The following TBL1XR1 variants were observed in gnomAD, a reference collection of about 807,000 sequenced individuals.
TBL1XR1 encodes the protein TBL1X/Y related 1.
TBL1XR1 carries 5 observed loss-of-function variants against 66.9 expected under a neutral mutation model. The observed-to-expected ratio is 0.07, with a 90% confidence interval of 0.04 to 0.16. The LOEUF (loss-of-function observed/expected upper bound fraction) is 0.16. Among genes scored for constraint, TBL1XR1 ranks in the 10% least tolerant of loss-of-function variants. The pLI, the probability that TBL1XR1 is intolerant of heterozygous loss-of-function variation, is 1.00. For missense variants in TBL1XR1, 238 were observed against 623.2 expected (o/e 0.38, Z 6.58); for synonymous variants, 210 against 206.0 (o/e 1.02, Z -0.17).
intron 1 of TBL1XR1, among the ~76,000 whole-genome samples, chr3:177,192,000 G>C (rs534177665): frequency 6.7e-4 from 102 of 152,040 alleles, no homozygotes; most frequent in African/African-American, 2.4e-3. Context: ...GGCTGAGGTA[G>C]GGGAATCGCT....
At chr3:177,159,151 T>C (rs944206570) in intron 1 of TBL1XR1, among the ~76,000 whole-genome samples, 4 of 151,252 alleles carry the variant, frequency 2.6e-5, no homozygotes, top group Admixed American at 1.3e-4. Context: ...ATTTTCTCAA[T>C]GGGTAAAAAA....
chr3:177,045,879 C>T (rs537673423), intron 10 of TBL1XR1, among the ~76,000 whole-genome samples: 2 of 152,158 alleles, frequency 1.3e-5, no homozygotes, highest in African/African-American at 4.8e-5. Context: ...AATCTATGTT[C>T]TTTCCATTAA....
chr3:177,117,362 A>G (rs1306036998), intron 1 of TBL1XR1, among the ~76,000 whole-genome samples: 1 of 152,220 alleles, frequency 6.6e-6, no homozygotes, highest in Admixed American at 6.5e-5. Flanking sequence ...GGGTAAATTT[A>G]ATAAGGCTTC....
intron 1 of TBL1XR1, among the ~76,000 whole-genome samples, chr3:177,162,791 G>A (rs1560247151): frequency 6.6e-6 from 1 of 152,112 alleles, no homozygotes; most frequent in East Asian, 1.9e-4. Context: ...AAGAAGAAAT[G>A]ACTTAAATAT....
intron 1 of TBL1XR1, among the ~76,000 whole-genome samples, chr3:177,112,292 G>C (rs1725748968): frequency 6.6e-6 from 1 of 150,840 alleles, no homozygotes; most frequent in South Asian, 2.1e-4. Flanking sequence ...ATTTTTAGTA[G>C]AGGTGGGGTT....
At chr3:177,035,004 A>G (rs1453715825) in intron 12 of TBL1XR1, among the ~76,000 whole-genome samples, 1 of 152,098 alleles carries the variant, frequency 6.6e-6, no homozygotes, top group Non-Finnish European at 1.5e-5. Flanking sequence ...TAACACATAC[A>G]CATACAACAT....
chr3:177,172,137 T>TA (rs1733594139), intron 1 of TBL1XR1, among the ~76,000 whole-genome samples: 1 of 151,954 alleles, frequency 6.6e-6, no homozygotes, highest in African/African-American at 2.4e-5. Context: ...GGCACGCACC[T>TA]GTAATCCCAA....
chr3:177,097,154 T>C (rs369979410), intron 2 of TBL1XR1, among the ~76,000 whole-genome samples: 1 of 152,342 alleles, frequency 6.6e-6, no homozygotes, highest in South Asian at 2.1e-4. Context: ...CTTTTAATAG[T>C]TTTTCTTTCA....
intron 1 of TBL1XR1, among the ~76,000 whole-genome samples, chr3:177,119,826 T>C (rs1726766947): frequency 6.6e-6 from 1 of 152,342 alleles, no homozygotes; most frequent in East Asian, 1.9e-4. Context: ...TAGTGCTCTA[T>C]ACCAACCTCA....
intron 1 of TBL1XR1, among the ~76,000 whole-genome samples, chr3:177,167,705 C>T (rs1460685337): frequency 1.3e-5 from 2 of 152,142 alleles, no homozygotes; most frequent in Non-Finnish European, 2.9e-5. Context: ...CCAAGGCAGG[C>T]GGATCACCTA....
chr3:177,110,055 G>C (rs1413056277), intron 1 of TBL1XR1, among the ~76,000 whole-genome samples: 3 of 152,080 alleles, frequency 2.0e-5, no homozygotes, highest in African/African-American at 7.2e-5. Flanking sequence ...ATTTGTGCCT[G>C]ATGCCTCCTA....
At chr3:177,058,511 C>A (rs941620199) in intron 3 of TBL1XR1, among the ~76,000 whole-genome samples, 27 of 152,144 alleles carry the variant, frequency 1.8e-4, no homozygotes, top group Admixed American at 1.0e-3. Context: ...GTAAATTATT[C>A]ACGCCATAGC....
At chr3:177,132,034 A>C (rs974605925) in intron 1 of TBL1XR1, among the ~76,000 whole-genome samples, 3 of 152,230 alleles carry the variant, frequency 2.0e-5, no homozygotes, top group Non-Finnish European at 4.4e-5. Context: ...TCAAAGTACC[A>C]AACATACTGA....
chr3:177,053,766 T>C lies in TBL1XR1; in HGVS notation c.204+7A>G. The stretch of plus-strand genomic sequence containing the variant: ...AAAAATCAGTATTTGAAATAAGTCT[T>C]CCTTACCTCATTAATACTAACTTCT... On this transcript the variant is annotated splice_region_variant and intron_variant, in intron 4 of 15. Coordinates refer to ENST00000457928, the MANE Select transcript of TBL1XR1 (RefSeq NM_024665.7). 5 of 1,610,280 alleles carry C rather than the reference T, an allele frequency of 3.1e-6. No individual in the cohort carries two copies. Among genetic ancestry groups the C allele is most frequent in the Non-Finnish European group, 4.2e-6 (5 of 1,178,500 alleles).
intron 10 of TBL1XR1, among the ~76,000 whole-genome samples, chr3:177,044,166 T>C (rs1350720945): frequency 6.6e-6 from 1 of 152,224 alleles, no homozygotes; most frequent in East Asian, 1.9e-4. Context: ...GCACTTTTCA[T>C]CTCACATGTT....
chr3:177,049,392 G>A (rs1453341285), intron 7 of TBL1XR1, among the ~76,000 whole-genome samples: 3 of 152,278 alleles, frequency 2.0e-5, no homozygotes, highest in East Asian at 1.9e-4. Context: ...TATCAACAAC[G>A]AAGTCAAAGT....
At chr3:177,032,186 T>G (rs1342564792) in intron 14 of TBL1XR1, 1 of 152,166 alleles carries the variant, frequency 6.6e-6, no homozygotes, top group Non-Finnish European at 1.5e-5. Flanking sequence ...CTAATAAAAA[T>G]TGTTACCAGC....
At chr3:177,151,645 G>A (rs1263509062) in intron 1 of TBL1XR1, among the ~76,000 whole-genome samples, 3 of 152,230 alleles carry the variant, frequency 2.0e-5, no homozygotes, top group African/African-American at 4.8e-5. Flanking sequence ...AAAACAGGCT[G>A]AGTGTGAAAT....
At chr3:177,037,062 A>G (rs1237811817) in intron 12 of TBL1XR1, among the ~76,000 whole-genome samples, 1 of 152,232 alleles carries the variant, frequency 6.6e-6, no homozygotes, top group Non-Finnish European at 1.5e-5. Context: ...ACAGAGATCC[A>G]TGTTGAGATG....
Sources: gnomAD v4.1 joint callset for allele counts (sites outside exome capture counted in the v4.1 genomes callset) on GRCh38, gnomAD v4.1.1 for gene constraint, MANE v1.5 for transcripts, NCBI Gene and HGNC (gene_info 2026-07-23, HGNC 2026-07-21) for gene names.